The following MARK4 variants were observed in gnomAD, a reference collection of about 807,000 sequenced individuals.
MARK4 encodes microtubule affinity regulating kinase 4.
In MARK4, 19 loss-of-function variants were observed where a neutral mutation model predicts 81.5. The ratio of observed to expected loss-of-function variants is 0.23; its 90% CI spans 0.16 to 0.34. MARK4 has a LOEUF of 0.34. Among genes scored for constraint, MARK4 ranks in the 10% least tolerant of loss-of-function variants. MARK4 has a pLI of 1.00. For missense variants in MARK4, 772 were observed against 1,058.8 expected (o/e 0.73, Z 3.76); for synonymous variants, 436 against 439.0 (o/e 0.99, Z 0.08).
At chr19:45,265,570 G>A (rs1471402469) in intron 6 of MARK4, among the ~76,000 whole-genome samples, 1 of 150,624 alleles carries the variant, frequency 6.6e-6, no homozygotes, top group Admixed American at 6.6e-5. Context: ...AAGAAGAAGT[G>A]CAGGTATAAG....
chr19:45,297,758 C>T lies in MARK4; in HGVS notation c.1681C>T (p.Arg561Cys), dbSNP rs775855591. Residue 561 changes from arginine (R) to cysteine (C), a missense_variant, in exon 15 of 17, where the codon CGT becomes TGT. Arg to Cys is a radical substitution (Grantham distance 180). Transcript: ENST00000262891. ...ATCAGGGGAGCGGAGCCGCCTGGCA[C>T]GTGGTTCCACCATCCGCAGCACCTT... ...PPSGERSRLARGSTIRSTFHG... is the reference protein window; with the variant it reads ...PPSGERSRLACGSTIRSTFHG... 10 of 1,579,842 alleles carry T rather than the reference C, an allele frequency of 6.3e-6. No homozygotes were observed. The highest frequency in any genetic ancestry group is 2.3e-5 in the South Asian group (2 of 86,114).
intron 1 of MARK4, among the ~76,000 whole-genome samples, chr19:45,254,684 G>A (rs1273850613): frequency 2.0e-5 from 3 of 152,216 alleles, no homozygotes; most frequent in African/African-American, 4.8e-5. Flanking sequence ...TGGCGGACGC[G>A]TGGTTAGAGC....
chr19:45,300,033 C>T (rs926199704), intron 16 of MARK4, among the ~76,000 whole-genome samples, 178 bp downstream of exon 16: 1 of 152,204 alleles, frequency 6.6e-6, no homozygotes, highest in African/African-American at 2.4e-5. Context: ...CAACCCCAAG[C>T]ACCTTCCCTT....
intron 15 of MARK4, 88 bp downstream of exon 15, chr19:45,298,042 C>T (rs1470044717): frequency 1.9e-6 from 3 of 1,551,006 alleles, no homozygotes; most frequent in East Asian, 4.7e-5. Context: ...TCTCCTGTAC[C>T]CCAACATTTC....
chr19:45,295,163 C>T (rs1186062651), intron 14 of MARK4, among the ~76,000 whole-genome samples: 1 of 150,482 alleles, frequency 6.6e-6, no homozygotes, highest in Non-Finnish European at 1.5e-5. Flanking sequence ...TCCTGGCTAA[C>T]ATGGTGACAC....
chr19:45,298,114 CA>C, intron 15 of MARK4, 160 bp downstream of exon 15: 1 of 1,608,652 alleles, frequency 6.2e-7, no homozygotes, highest in Non-Finnish European at 8.5e-7. Flanking sequence ...CCTCCCCTGT[CA>C]CCCCTCACCT....
Position 45,264,671 on chromosome 19 carries a change from C to T in MARK4, c.356-13C>T, listed in dbSNP as rs1970427049. On this transcript the variant is annotated splice_polypyrimidine_tract_variant and intron_variant, in intron 4 of 16. Transcript: ENST00000262891. ...TTCTCCCTAATGCCCTACACTGTTC[C>T]CAACCATTATAGTGAAGCTCTTTGA... 2 of 1,613,914 alleles carry T rather than the reference C, an allele frequency of 1.2e-6. No homozygotes were observed.
In MARK4 at chr19:45,251,539, ACCCCCGCCCCCCCCACCCGGCCG is replaced by A; in HGVS notation, c.-45_-23del. The A allele has an allele frequency of 3.8e-6, 1 of 263,192 alleles. No homozygotes were observed. Among genetic ancestry groups the A allele is most frequent in the Non-Finnish European group, 7.3e-6 (1 of 137,126 alleles). 16.3% of individuals were successfully genotyped at this position (263,192 alleles called of 1,614,324 possible). A position where few individuals can be genotyped will look rare whatever the true frequency, so the allele number is the denominator to read the frequency against. The stretch of plus-strand genomic sequence containing the variant: ...GGAGGGGAAGAGAGGGGACCCTGGG[ACCCCCGCCCCCCCCACCCGGCCG>A]CCCCTGCCCCCCGGGACCCGGAGAA... On this transcript the variant is annotated 5_prime_UTR_variant, in exon 1 of 17. Coordinates refer to ENST00000262891, the MANE Select transcript of MARK4 (RefSeq NM_001199867.2).
chr19:45,299,685 G>C (rs1349321201), intron 15 of MARK4, 126 bp from the exon 16 acceptor site: 2 of 701,614 alleles, frequency 2.9e-6, no homozygotes, highest in Non-Finnish European at 4.5e-6. Context: ...CCTGACTCCA[G>C]GCCCTCACCA....
At chr19:45,291,274 C>T (rs1244213606) in intron 13 of MARK4, among the ~76,000 whole-genome samples, 2 of 152,188 alleles carry the variant, frequency 1.3e-5, no homozygotes, top group South Asian at 2.1e-4. Flanking sequence ...GTAGGAACAA[C>T]AGTCACAACC....
intron 15 of MARK4, 45 bp downstream of exon 15, chr19:45,297,999 G>A (rs913435641): frequency 3.3e-5 from 51 of 1,548,014 alleles, no homozygotes; most frequent in Non-Finnish European, 3.9e-5. Context: ...GCGGGGGGCC[G>A]ATGGGACCTA....
intron 13 of MARK4, among the ~76,000 whole-genome samples, chr19:45,289,099 T>C (rs1415879193): frequency 1.3e-5 from 2 of 151,668 alleles, no homozygotes; most frequent in Non-Finnish European, 2.9e-5. Flanking sequence ...TTTAAAAGTA[T>C]GGGTCACCTG....
chr19:45,280,313 G>A, intron 10 of MARK4, 61 bp from the exon 11 acceptor site: 1 of 1,455,142 alleles, frequency 6.9e-7, no homozygotes, highest in Non-Finnish European at 9.6e-7. Flanking sequence ...AAAAAAAAGA[G>A]AAATGGATGG....
intron 12 of MARK4, among the ~76,000 whole-genome samples, chr19:45,284,988 G>T (rs575304710): frequency 1.3e-5 from 2 of 152,258 alleles, no homozygotes. Flanking sequence ...CTACTTGGGA[G>T]GCTGAGGCAG....
At chr19:45,284,857 G>A (rs566330956) in intron 12 of MARK4, among the ~76,000 whole-genome samples, 1 of 152,224 alleles carries the variant, frequency 6.6e-6, no homozygotes, top group East Asian at 1.9e-4. Context: ...TTGGGAGGCC[G>A]AGCTGGGTGG....
At chr19:45,262,109 A>T (rs1358071852) in intron 2 of MARK4, among the ~76,000 whole-genome samples, 2 of 152,152 alleles carry the variant, frequency 1.3e-5, no homozygotes, top group Non-Finnish European at 2.9e-5. Context: ...CTAGCCATGT[A>T]ACTTTGGCCA....
intron 2 of MARK4, among the ~76,000 whole-genome samples, chr19:45,260,996 G>A (rs1970373849): frequency 6.6e-6 from 1 of 152,152 alleles, no homozygotes; most frequent in Admixed American, 6.6e-5. Flanking sequence ...GGAATGGTGG[G>A]TGATTTCATG....
rs750744530 is a variant in MARK4, at chr19:45,263,335, G to A, written c.323G>A (p.Arg108His). ...SSLQKLFREV[R>H]IMKGLNHPNI... ...CACGCCCAGCTGTTCCGAGAAGTCCGCATCATGAAGGGCCTAAACCACCCC... is the reference window on the plus strand; with the variant it reads ...CACGCCCAGCTGTTCCGAGAAGTCCACATCATGAAGGGCCTAAACCACCCC... The change falls in exon 4 of 17, where the codon CGC (arginine) becomes CAC (histidine). Residue 108 changes from arginine (R) to histidine (H), a missense_variant. Transcript: ENST00000262891. The A allele has an allele frequency of 6.8e-6, 11 of 1,614,062 alleles. No homozygotes were observed. The highest frequency in any genetic ancestry group is 1.3e-5 in the African/African-American group (1 of 74,936).
chr19:45,278,866 A>G (rs1200951987), intron 10 of MARK4, among the ~76,000 whole-genome samples: 1 of 152,014 alleles, frequency 6.6e-6, no homozygotes, highest in Admixed American at 6.6e-5. Flanking sequence ...CAGCTTCCCA[A>G]ATTGCCAGGA....
Sources: gnomAD v4.1 joint callset for allele counts (sites outside exome capture counted in the v4.1 genomes callset) on GRCh38, gnomAD v4.1.1 for gene constraint, MANE v1.5 for transcripts, NCBI Gene and HGNC (gene_info 2026-07-23, HGNC 2026-07-21) for gene names.